Variants in LRP1B observed in about 807,000 individuals in gnomAD.
LRP1B encodes LDL receptor related protein 1B, also known as low-density lipoprotein receptor-related protein 1B.
A neutral mutation model predicts 556.6 loss-of-function variants in LRP1B; 217 were observed. The observed-to-expected ratio is 0.39, with a 90% CI of 0.35 to 0.44. LRP1B has a LOEUF of 0.44. LRP1B is among the 20% of genes least tolerant of loss of function. The pLI, the probability that LRP1B is intolerant of heterozygous loss-of-function variation, is 1.00. For missense variants in LRP1B, 5,053 were observed against 5,620.8 expected, an observed-to-expected ratio of 0.90 and a Z score of 3.23; for synonymous variants, 2,047 against 1,865.8, an observed-to-expected ratio of 1.10 and a Z score of -2.50.
intron 1 of LRP1B, among the ~76,000 whole-genome samples, chr2:141,857,565 G>A (rs1362373897): frequency 6.6e-6 from 1 of 151,828 alleles, no homozygotes; most frequent in African/African-American, 2.4e-5. Flanking sequence ...TTGAACTCCT[G>A]AGCTCAAGCT....
At chr2:141,436,388 A>G (rs758643378) in intron 3 of LRP1B, among the ~76,000 whole-genome samples, 5 of 152,200 alleles carry the variant, frequency 3.3e-5, no homozygotes, top group African/African-American at 1.2e-4. Context: ...AACAGAGAAT[A>G]GAATGGTGGT....
At chr2:141,026,432 A>C (rs1698220211) in intron 11 of LRP1B, among the ~76,000 whole-genome samples, 1 of 152,096 alleles carries the variant, frequency 6.6e-6, no homozygotes, top group African/African-American at 2.4e-5. Flanking sequence ...AATCATGTTT[A>C]GTGAAAAATA....
intron 25 of LRP1B, among the ~76,000 whole-genome samples, chr2:140,873,873 G>A (rs1693219471): frequency 6.6e-6 from 1 of 151,728 alleles, no homozygotes; most frequent in African/African-American, 2.4e-5. Context: ...TAAAGGTTAT[G>A]TATAAAAAAG....
chr2:141,161,291 A>G (rs1680022596), intron 7 of LRP1B, among the ~76,000 whole-genome samples: 1 of 152,110 alleles, frequency 6.6e-6, no homozygotes, highest in Admixed American at 6.6e-5. Context: ...CCTAGTTACT[A>G]CAGCAGTGAA....
intron 35 of LRP1B, among the ~76,000 whole-genome samples, chr2:140,762,476 T>C (rs1285336134): frequency 1.2e-4 from 18 of 152,166 alleles, no homozygotes; most frequent in Non-Finnish European, 1.5e-5. Context: ...AAGGGTTTTT[T>C]TTGTTATTTT....
chr2:142,040,106 A>C (rs1368484708), intron 1 of LRP1B, among the ~76,000 whole-genome samples: 1 of 151,478 alleles, frequency 6.6e-6, no homozygotes, highest in Non-Finnish European at 1.5e-5. Flanking sequence ...AGTACCATAA[A>C]GAATGAAATG....
chr2:141,784,890 T>C (rs1328669464), intron 2 of LRP1B, among the ~76,000 whole-genome samples: 1 of 151,982 alleles, frequency 6.6e-6, no homozygotes, highest in Non-Finnish European at 1.5e-5. Context: ...GTACTACCTT[T>C]GGTTTTCCTC....
intron 43 of LRP1B, among the ~76,000 whole-genome samples, chr2:140,564,787 C>T (rs1681063826): frequency 6.6e-6 from 1 of 152,054 alleles, no homozygotes; most frequent in South Asian, 2.1e-4. Flanking sequence ...GAAAGCAAGG[C>T]ACCAAATAGA....
At chr2:141,362,380 T>C (rs1688856340) in intron 3 of LRP1B, among the ~76,000 whole-genome samples, 1 of 152,216 alleles carries the variant, frequency 6.6e-6, no homozygotes, top group South Asian at 2.1e-4. Context: ...CATGGGGCAA[T>C]AGGAGGGCAT....
chr2:141,901,647 C>G (rs1699621357), intron 1 of LRP1B, among the ~76,000 whole-genome samples: 1 of 151,580 alleles, frequency 6.6e-6, no homozygotes, highest in African/African-American at 2.4e-5. Context: ...AGATTTTTGC[C>G]ATTTTAATAA....
intron 1 of LRP1B, among the ~76,000 whole-genome samples, chr2:141,966,845 T>A (rs1376774115): frequency 1.3e-5 from 2 of 151,900 alleles, no homozygotes; most frequent in Non-Finnish European, 1.5e-5. Context: ...ATACATTCAA[T>A]TTGTATGCCC....
At chr2:140,312,358 C>CTAAA (rs1684338807) in intron 83 of LRP1B, among the ~76,000 whole-genome samples, 1 of 151,886 alleles carries the variant, frequency 6.6e-6, no homozygotes, top group African/African-American at 2.4e-5. Flanking sequence ...TTCCATTCCT[C>CTAAA]TAAATCAACT....
chr2:141,899,813 A>T (rs1699562362), intron 1 of LRP1B, among the ~76,000 whole-genome samples: 1 of 152,092 alleles, frequency 6.6e-6, no homozygotes. Context: ...CATTTCCAAG[A>T]ACGCTTCAGC....
chr2:141,995,968 A>C (rs1702477711), intron 1 of LRP1B, among the ~76,000 whole-genome samples: 1 of 152,192 alleles, frequency 6.6e-6, no homozygotes, highest in Non-Finnish European at 1.5e-5. Flanking sequence ...AGAAGTTATA[A>C]GTAGGCAGGA....
At chr2:141,313,611 G>A (rs1472735362) in intron 3 of LRP1B, among the ~76,000 whole-genome samples, 1 of 152,136 alleles carries the variant, frequency 6.6e-6, no homozygotes, top group Non-Finnish European at 1.5e-5. Context: ...ATATTGGAAT[G>A]AGAAAACATC....
At chr2:141,394,471 G>GT (rs998340297) in intron 3 of LRP1B, among the ~76,000 whole-genome samples, 5 of 151,994 alleles carry the variant, frequency 3.3e-5, no homozygotes, top group Non-Finnish European at 7.4e-5. Context: ...GTTGAAATAT[G>GT]TTAAAAAAAA....
intron 3 of LRP1B, among the ~76,000 whole-genome samples, chr2:141,259,062 G>C (rs549811535): frequency 2.6e-5 from 4 of 152,136 alleles, no homozygotes; most frequent in South Asian, 2.1e-4. Flanking sequence ...CAAATTCAAG[G>C]TAACAGTTTA....
chr2:141,584,272 T>C (rs1687054663), intron 2 of LRP1B, among the ~76,000 whole-genome samples: 1 of 151,898 alleles, frequency 6.6e-6, no homozygotes, highest in Non-Finnish European at 1.5e-5. Context: ...AGAAGATAAT[T>C]TTTTCAACTA....
Position 141,153,937 on chromosome 2 carries a change from A to C in LRP1B, c.1013+34484T>G, listed in dbSNP as rs376567408. Among the ~76,000 whole-genome samples the C allele has an allele frequency of 1.8e-4, 27 of 151,604 alleles. No homozygotes were observed. In the East Asian group the frequency reaches 3.1e-3, roughly 17 times the overall value. ...CTGCCACTCATTTTAATGATTAACT[A>C]TTGTTATTTGTTGGTCCCATCAGTC... is the stretch of plus-strand genomic sequence containing the variant. On this transcript the variant is annotated intron_variant, in intron 7 of 90. Coordinates refer to ENST00000389484, the MANE Select transcript of LRP1B (RefSeq NM_018557.3).
Sources: allele counts gnomAD v4.1 joint callset (sites outside exome capture counted in the v4.1 genomes callset), GRCh38; gene constraint gnomAD v4.1.1; transcripts MANE v1.5; gene names NCBI Gene and HGNC (gene_info 2026-07-23, HGNC 2026-07-21).